Variants in IL23R observed in about 807,000 individuals in gnomAD.
IL23R encodes interleukin 23 receptor, also known as interleukin-23 receptor.
In IL23R, 34 loss-of-function variants were observed where a neutral mutation model predicts 56.9. That is an observed-to-expected ratio of 0.60 (90% CI 0.45 to 0.80). The LOEUF is 0.80. IL23R is among the 30% of genes least tolerant of loss of function. IL23R has a pLI of 0.00. For synonymous variants in IL23R, 230 were observed against 249.2 expected, an observed-to-expected ratio of 0.92 and a Z score of 0.73; for missense variants, 635 against 730.0, an observed-to-expected ratio of 0.87 and a Z score of 1.50.
chr1:67,258,724 A>C lies in IL23R; in HGVS notation c.1486A>C (p.Ser496Arg), dbSNP rs768596081. The change falls in exon 11 of 11, where the codon AGC becomes CGC. Residue 496 changes from serine (S) to arginine (R), a missense_variant. By Grantham distance (110) the Ser-to-Arg change is moderately radical (BLOSUM62 -1). Transcript: ENST00000347310. ...PQISNFLPEG[S>R]HLSNNNEITS... ...AATTTCAAATTTTCTGCCTGAGGGA[A>C]GCCATCTCAGCAATAATAATGAAAT... 3 of 1,613,730 alleles carry C rather than the reference A, an allele frequency of 1.9e-6. No individual in the cohort carries two copies. Among genetic ancestry groups the C allele is most frequent in the Non-Finnish European group, 2.5e-6 (3 of 1,179,808 alleles).
downstream of IL23R, among the ~76,000 whole-genome samples, chr1:67,264,612 A>T (rs1009649287): frequency 6.6e-6 from 1 of 152,268 alleles, no homozygotes. Flanking sequence ...ATTACAAGAA[A>T]GTCTAACAAA....
chr1:67,178,093 C>T (rs1011311579), intron 3 of IL23R, among the ~76,000 whole-genome samples: 5 of 152,162 alleles, frequency 3.3e-5, no homozygotes, highest in South Asian at 2.1e-4. Context: ...ATTGACTTGG[C>T]GATGCAGGCT....
intron 5 of IL23R, among the ~76,000 whole-genome samples, chr1:67,204,002 A>AAAAGC: frequency 6.6e-6 from 1 of 152,254 alleles, no homozygotes; most frequent in Non-Finnish European, 1.5e-5. Flanking sequence ...AAAGGCTATA[A>AAAAGC]TCTCGCTTTT....
chr1:67,228,363 C>CTTTTTT (rs78083258), intron 7 of IL23R, among the ~76,000 whole-genome samples: 6 of 105,792 alleles, frequency 5.7e-5, no homozygotes, highest in Non-Finnish European at 1.1e-4. Flanking sequence ...TTTTTTCTTC[C>CTTTTTT]TTTTTTTTTT....
At chr1:67,160,613 A>G (rs1646809994) in intron 1 of IL23R, among the ~76,000 whole-genome samples, 1 of 152,236 alleles carries the variant, frequency 6.6e-6, no homozygotes, top group Admixed American at 6.5e-5. Flanking sequence ...GTGAAGGCCA[A>G]GTGAATGAGA....
At chr1:67,172,161 C>T (rs1340279605) in intron 3 of IL23R, among the ~76,000 whole-genome samples, 1 of 152,152 alleles carries the variant, frequency 6.6e-6, no homozygotes, top group Non-Finnish European at 1.5e-5. Flanking sequence ...GCAAACAAAA[C>T]TTCCTATTTA....
chr1:67,200,791 C>T lies in IL23R; in HGVS notation c.546C>T (p.Ser182=). 3 of 1,613,990 alleles carry T rather than the reference C, an allele frequency of 1.9e-6. No homozygotes were observed. The highest frequency in any genetic ancestry group is 2.5e-6 in the Non-Finnish European group (3 of 1,179,964). The change falls in exon 5 of 11, where the codon TCC becomes TCT. Residue 182 remains serine (S), a synonymous_variant. Coordinates refer to ENST00000347310, the MANE Select transcript of IL23R (RefSeq NM_144701.3). Reference sequence around the variant, plus strand: ...TCACCTCAAGCTATATTAACATCTCCACTGATTCATTACAAGGTGGCAAGA... The same window carrying T: ...TCACCTCAAGCTATATTAACATCTCTACTGATTCATTACAAGGTGGCAAGA... ...QYLTSSYINI[S]TDSLQGGKKY...
downstream of IL23R, among the ~76,000 whole-genome samples, chr1:67,261,371 C>T (rs547770335): frequency 3.1e-4 from 41 of 133,662 alleles, no homozygotes; most frequent in South Asian, 5.6e-3. Flanking sequence ...TTATCATTTA[C>T]TAAGGCCATT....
chr1:67,237,398 A>C (rs1157663772), intron 8 of IL23R, among the ~76,000 whole-genome samples: 1 of 152,188 alleles, frequency 6.6e-6, no homozygotes, highest in East Asian at 1.9e-4. Flanking sequence ...TTCAAAACAA[A>C]TTACTTACCT....
At chr1:67,205,005 C>A (rs1398827920) in intron 5 of IL23R, among the ~76,000 whole-genome samples, 1 of 152,140 alleles carries the variant, frequency 6.6e-6, no homozygotes, top group Non-Finnish European at 1.5e-5. Context: ...GTCTTGAACT[C>A]CTGACCTCAA....
At chr1:67,201,702 A>G (rs2102625209) in intron 5 of IL23R, among the ~76,000 whole-genome samples, 1 of 152,248 alleles carries the variant, frequency 6.6e-6, no homozygotes, top group South Asian at 2.1e-4. Context: ...TATTTTGAAA[A>G]GTTTTACAAA....
intron 1 of IL23R, among the ~76,000 whole-genome samples, chr1:67,159,412 G>A (rs993219753): frequency 6.6e-6 from 1 of 151,988 alleles, no homozygotes; most frequent in Non-Finnish European, 1.5e-5. Context: ...GTTTTCTGAG[G>A]CCTCCTAGTC....
intron 5 of IL23R, among the ~76,000 whole-genome samples, chr1:67,205,809 A>G (rs944509523): frequency 1.3e-5 from 2 of 152,194 alleles, no homozygotes; most frequent in African/African-American, 4.8e-5. Context: ...AAATATTCAT[A>G]TGTTTCCCTA....
intron 5 of IL23R, 148 bp downstream of exon 5, chr1:67,201,045 A>C (rs1648590920): frequency 2.6e-6 from 2 of 764,006 alleles, no homozygotes; most frequent in Non-Finnish European, 4.3e-6. Flanking sequence ...CTACCTGCCC[A>C]AGACAACTTA....
At chr1:67,225,188 G>C (rs1293712048) in intron 7 of IL23R, among the ~76,000 whole-genome samples, 1 of 152,184 alleles carries the variant, frequency 6.6e-6, no homozygotes, top group Admixed American at 6.5e-5. Flanking sequence ...TTCTAATGCA[G>C]TGTTTGTTAT....
chr1:67,263,132 T>TC (rs149532441), downstream of IL23R, among the ~76,000 whole-genome samples: 329 of 139,644 alleles, frequency 2.4e-3, 3 homozygotes, highest in Middle Eastern at 0.033. Context: ...TTTTTTTTTT[T>TC]AACAGGTCAC....
chr1:67,236,583 C>T (rs576579829), intron 7 of IL23R, 130 bp from the exon 8 acceptor site: 6 of 685,986 alleles, frequency 8.7e-6, no homozygotes, highest in Non-Finnish European at 1.6e-5. Flanking sequence ...GCTTTTATTC[C>T]ACCCTTCAAG....
chr1:67,225,172 C>T (rs1650531780), intron 7 of IL23R, among the ~76,000 whole-genome samples: 1 of 152,170 alleles, frequency 6.6e-6, no homozygotes, highest in African/African-American at 2.4e-5. Context: ...GCCAACAGAG[C>T]TTCATTTCTA....
chr1:67,147,469 C>G (rs1646689497), intron 1 of IL23R, among the ~76,000 whole-genome samples: 1 of 152,154 alleles, frequency 6.6e-6, no homozygotes, highest in South Asian at 2.1e-4. Context: ...GAGGCCGAGG[C>G]AGGTGTATCA....
Sources: gnomAD v4.1 joint callset for allele counts (sites outside exome capture counted in the v4.1 genomes callset) on GRCh38, gnomAD v4.1.1 for gene constraint, MANE v1.5 for transcripts, NCBI Gene and HGNC (gene_info 2026-07-23, HGNC 2026-07-21) for gene names.